PPP1R9A: variants seen among roughly 807,000 people sequenced by gnomAD.
PPP1R9A encodes neurabin-1.
A neutral mutation model predicts 141.9 loss-of-function variants in PPP1R9A; 59 were observed. The observed-to-expected ratio is 0.42, with a 90% confidence interval of 0.34 to 0.52. PPP1R9A has a LOEUF of 0.52. PPP1R9A is among the 20% of genes least tolerant of loss of function. The pLI, the probability that PPP1R9A is intolerant of heterozygous loss-of-function variation, is 0.10. For synonymous variants in PPP1R9A, 500 were observed against 569.7 expected, an observed-to-expected ratio of 0.88 and a Z score of 1.74; for missense variants, 1,444 against 1,611.9, an observed-to-expected ratio of 0.90 and a Z score of 1.78.
intron 8 of PPP1R9A, among the ~76,000 whole-genome samples, chr7:95,230,203 T>G (rs1465756603): frequency 6.6e-6 from 1 of 152,028 alleles, no homozygotes; most frequent in Non-Finnish European, 1.5e-5. Context: ...ATGTAGTCTA[T>G]CCAAATGAGA....
chr7:95,224,306 C>A (rs1379551425), intron 7 of PPP1R9A, among the ~76,000 whole-genome samples: 3 of 152,104 alleles, frequency 2.0e-5, no homozygotes, highest in Non-Finnish European at 4.4e-5. Context: ...TTCCAACTAA[C>A]CTGTAACCAG....
At chr7:95,249,025 T>C (rs1301349428) in intron 9 of PPP1R9A, among the ~76,000 whole-genome samples, 1 of 152,154 alleles carries the variant, frequency 6.6e-6, no homozygotes, top group African/African-American at 2.4e-5. Context: ...AAGTACCAGT[T>C]TGAAGGCCAG....
chr7:95,152,543 G>A (rs925955365), intron 4 of PPP1R9A, among the ~76,000 whole-genome samples: 12 of 152,042 alleles, frequency 7.9e-5, no homozygotes, highest in African/African-American at 2.7e-4. Context: ...CACTATGTAC[G>A]CTCAAGTTTT....
chr7:95,239,138 C>A (rs1052451327), intron 8 of PPP1R9A, among the ~76,000 whole-genome samples: 1 of 151,982 alleles, frequency 6.6e-6, no homozygotes, highest in African/African-American at 2.4e-5. Flanking sequence ...CCTTCTGGAT[C>A]CATATTCATT....
At chr7:94,928,944 A>G (rs1214317638) in intron 2 of PPP1R9A, among the ~76,000 whole-genome samples, 2 of 152,198 alleles carry the variant, frequency 1.3e-5, no homozygotes, top group African/African-American at 4.8e-5. Flanking sequence ...ATCATAGCCA[A>G]TGAATTATGC....
intron 2 of PPP1R9A, among the ~76,000 whole-genome samples, chr7:95,090,385 A>G (rs975881334): frequency 6.6e-6 from 1 of 152,074 alleles, no homozygotes; most frequent in Non-Finnish European, 1.5e-5. Context: ...AAGTTAATAT[A>G]TAGACAAATT....
At chr7:95,174,198 C>T (rs1832572600) in intron 5 of PPP1R9A, among the ~76,000 whole-genome samples, 1 of 152,040 alleles carries the variant, frequency 6.6e-6, no homozygotes. Flanking sequence ...AAGGAACAAA[C>T]TACCAATCCT....
intron 2 of PPP1R9A, among the ~76,000 whole-genome samples, chr7:94,951,704 G>C (rs1373360568): frequency 6.6e-6 from 1 of 151,742 alleles, no homozygotes; most frequent in East Asian, 1.9e-4. Flanking sequence ...CTGGGTTTTG[G>C]TATAAGGGTT....
chr7:95,288,864 C>G, intron 19 of PPP1R9A, 146 bp downstream of exon 19: 2 of 1,128,388 alleles, frequency 1.8e-6, no homozygotes, highest in Non-Finnish European at 1.2e-6. Context: ...TGAATTCTTT[C>G]TGAGTAGTAA....
At chr7:95,252,437 A>C (rs183619012) in intron 12 of PPP1R9A, among the ~76,000 whole-genome samples, 28 of 151,492 alleles carry the variant, frequency 1.8e-4, no homozygotes, top group Non-Finnish European at 3.7e-4. Flanking sequence ...GATGAACTAC[A>C]CTACTTATGT....
At chr7:95,207,406 G>A (rs1367598470) in intron 7 of PPP1R9A, among the ~76,000 whole-genome samples, 1 of 151,962 alleles carries the variant, frequency 6.6e-6, no homozygotes, top group Non-Finnish European at 1.5e-5. Context: ...GATGTATGAA[G>A]TAATAAAACA....
chr7:95,128,506 T>A (rs949373959), intron 4 of PPP1R9A, among the ~76,000 whole-genome samples: 6 of 152,184 alleles, frequency 3.9e-5, no homozygotes. Context: ...GTGCAGAATC[T>A]CTTTAGTTTA....
chr7:94,955,553 G>C (rs1044136729), intron 2 of PPP1R9A, among the ~76,000 whole-genome samples: 3 of 151,994 alleles, frequency 2.0e-5, no homozygotes, highest in African/African-American at 7.3e-5. Flanking sequence ...GTCTGAACTT[G>C]ACTTGTGTTA....
intron 4 of PPP1R9A, among the ~76,000 whole-genome samples, chr7:95,136,806 T>C (rs972173795): frequency 6.6e-6 from 1 of 152,240 alleles, no homozygotes; most frequent in Non-Finnish European, 1.5e-5. Context: ...TATTTATTGC[T>C]CTGGGTTTAG....
intron 2 of PPP1R9A, among the ~76,000 whole-genome samples, chr7:95,025,661 G>A (rs1163742181): frequency 6.6e-6 from 1 of 151,994 alleles, no homozygotes; most frequent in Non-Finnish European, 1.5e-5. Context: ...AAATCCTGAA[G>A]AGTGTTTTCC....
chr7:95,107,827 CTT>C (rs1819774736), intron 2 of PPP1R9A, among the ~76,000 whole-genome samples: 1 of 151,982 alleles, frequency 6.6e-6, no homozygotes, highest in Non-Finnish European at 1.5e-5. Context: ...CATAAATTAA[CTT>C]AGGGTAAACT....
chr7:95,230,091 A>AT (rs1795709311), intron 8 of PPP1R9A, among the ~76,000 whole-genome samples: 1 of 152,182 alleles, frequency 6.6e-6, no homozygotes. Flanking sequence ...GCTCTCAGGA[A>AT]ACCCCATTCC....
chr7:95,078,126 C>A, intron 2 of PPP1R9A, among the ~76,000 whole-genome samples: 1 of 112,558 alleles, frequency 8.9e-6, no homozygotes, highest in Non-Finnish European at 1.8e-5. Context: ...GCTATCCCTC[C>A]CCCCTCCCCC....
chr7:95,031,531 G>A (rs1483821764), intron 2 of PPP1R9A, among the ~76,000 whole-genome samples: 1 of 152,044 alleles, frequency 6.6e-6, no homozygotes, highest in East Asian at 1.9e-4. Context: ...CAGGTGGGTG[G>A]GATCACCTTA....
Sources: allele counts gnomAD v4.1 joint callset (sites outside exome capture counted in the v4.1 genomes callset), GRCh38; gene constraint gnomAD v4.1.1; transcripts MANE v1.5; gene names NCBI Gene and HGNC (gene_info 2026-07-23, HGNC 2026-07-21).